Variants in RIMKLB observed in about 807,000 individuals in gnomAD.
RIMKLB encodes beta-citrylglutamate synthase B.
In RIMKLB, 7 loss-of-function variants were observed where a neutral mutation model predicts 32.0. The ratio of observed to expected loss-of-function variants is 0.22; its 90% confidence interval spans 0.12 to 0.41. RIMKLB has a LOEUF of 0.41. Ranked by LOEUF, RIMKLB falls within the 10% of genes least tolerant of loss-of-function variation. The pLI is 1.00. For missense variants in RIMKLB, 289 were observed against 498.7 expected (o/e 0.58, Z 4.00); for synonymous variants, 172 against 185.1 (o/e 0.93, Z 0.57).
chr12:8,746,618 A>G (rs895177105), intron 2 of RIMKLB, among the ~76,000 whole-genome samples: 1 of 151,056 alleles, frequency 6.6e-6, no homozygotes, highest in Non-Finnish European at 1.5e-5. Flanking sequence ...AAAAAAAAAG[A>G]AAAAGATATC....
At chr12:8,693,540 G>A (rs1942792926), upstream of RIMKLB, among the ~76,000 whole-genome samples, 1 of 151,726 alleles carries the variant, frequency 6.6e-6, no homozygotes. Context: ...GGGATTACAG[G>A]TGCCCACCAC....
At chr12:8,714,386 A>T (rs1944631511) in intron 2 of RIMKLB, among the ~76,000 whole-genome samples, 1 of 152,174 alleles carries the variant, frequency 6.6e-6, no homozygotes, top group African/African-American at 2.4e-5. Context: ...TCTTAAAAAT[A>T]AAAGTAAAGA....
chr12:8,777,613 A>AAT, downstream of RIMKLB: 1 of 1,289,088 alleles, frequency 7.8e-7, no homozygotes, highest in Non-Finnish European at 1.0e-6. Context: ...CAAAAAAACA[A>AAT]ATACAAACAA....
chr12:8,782,917 T>TTTGAAGTAACCAGTGATCTTTTTTGC (rs1951185496), exon 8 of RIMKLB: 1 of 152,212 alleles, frequency 6.6e-6, no homozygotes, highest in African/African-American at 2.4e-5. Flanking sequence ...CCTAGGTTCT[T>TTTGAAGTAACCAGTGATCTTTTTTGC]TTGAAGTAAC....
intron 2 of RIMKLB, among the ~76,000 whole-genome samples, chr12:8,737,803 C>G (rs1347660029): frequency 6.6e-6 from 1 of 152,168 alleles, no homozygotes; most frequent in East Asian, 1.9e-4. Context: ...TAAGCTCTGC[C>G]TCACAGCTTC....
chr12:8,774,453 C>T lies in RIMKLB; in HGVS notation c.*669C>T, dbSNP rs774936688. 6.8e-5 allele frequency: 67 copies of T among 985,110 alleles called. No homozygotes were observed. The highest frequency in any genetic ancestry group is 3.8e-4 in the South Asian group (8 of 21,264). The allele number at this position is 985,110 out of a possible 1,614,324, so 61.0% of individuals were successfully genotyped here. A position where few individuals can be genotyped will look rare whatever the true frequency, so the allele number is the denominator to read the frequency against. ...TGGAAATGAACAGTATTGCAATGTC[C>T]GGTATACAAAATAACATTAATTCAA... is the stretch of plus-strand genomic sequence containing the variant. On this transcript the variant is annotated 3_prime_UTR_variant, in exon 6 of 6. Transcript: ENST00000535829.
At chr12:8,731,188 T>G (rs1427360823) in intron 2 of RIMKLB, among the ~76,000 whole-genome samples, 1 of 151,956 alleles carries the variant, frequency 6.6e-6, no homozygotes, top group African/African-American at 2.4e-5. Context: ...CCTCTGACTC[T>G]TGGGTTCAAG....
At chr12:8,765,878 C>A (rs1338587241) in intron 5 of RIMKLB, among the ~76,000 whole-genome samples, 3 of 152,038 alleles carry the variant, frequency 2.0e-5, no homozygotes, top group Non-Finnish European at 2.9e-5. Flanking sequence ...GTACATATGG[C>A]ACTTCACTCC....
chr12:8,671,596 T>A, the RIMKLB span, among the ~76,000 whole-genome samples: 1 of 151,108 alleles, frequency 6.6e-6, no homozygotes. Context: ...TTTTCCAAAC[T>A]TTTATGCTCT....
chr12:8,702,300 A>G (rs1204153545), intron 1 of RIMKLB, among the ~76,000 whole-genome samples: 1 of 152,198 alleles, frequency 6.6e-6, no homozygotes, highest in East Asian at 1.9e-4. Context: ...GAAGGAGTCT[A>G]CTGGATTCTT....
chr12:8,670,049 AAAG>A, the RIMKLB span, among the ~76,000 whole-genome samples: 18 of 150,998 alleles, frequency 1.2e-4, no homozygotes, highest in East Asian at 1.6e-3. Context: ...AAAAAAAAAA[AAAG>A]AAGGAATCAA....
At chr12:8,710,474 A>G (rs1030704371) in intron 1 of RIMKLB, among the ~76,000 whole-genome samples, 2 of 150,534 alleles carry the variant, frequency 1.3e-5, no homozygotes, top group South Asian at 2.1e-4. Flanking sequence ...CACCTGGCTC[A>G]TTTTTGTATT....
intron 2 of RIMKLB, among the ~76,000 whole-genome samples, chr12:8,716,477 A>G (rs992611178): frequency 1.5e-5 from 2 of 136,050 alleles, no homozygotes; most frequent in African/African-American, 5.6e-5. Context: ...CCAGTATGCT[A>G]CAAAATTTTT....
At chr12:8,702,139 T>G (rs1943463203) in intron 1 of RIMKLB, among the ~76,000 whole-genome samples, 1 of 152,246 alleles carries the variant, frequency 6.6e-6, no homozygotes, top group Non-Finnish European at 1.5e-5. Flanking sequence ...GTTCCATAAC[T>G]TGTCAGTGTT....
In RIMKLB at chr12:8,775,151, A is replaced by G. The variant is rs899794328; in HGVS notation, c.*1367A>G. ...GCCTGTTCAGTGTACAGTTTATTCA[A>G]GGCTACATGCTTTTCTTTAATGCTT... On this transcript the variant is annotated 3_prime_UTR_variant, in exon 6 of 6. Transcript: ENST00000535829. 30 of 985,388 alleles carry G rather than the reference A, an allele frequency of 3.0e-5. No homozygotes were observed. Among genetic ancestry groups the G allele is most frequent in the Non-Finnish European group, 3.1e-5 (26 of 829,874 alleles). 61.0% of individuals were successfully genotyped at this position (985,388 alleles called of 1,614,324 possible). A position where few individuals can be genotyped will look rare whatever the true frequency, so the allele number is the denominator to read the frequency against.
At position 8,751,835 on chromosome 12, in the gene RIMKLB, G is replaced by A. The variant is rs944518273; in HGVS notation, c.407-122G>A. The A allele has an allele frequency of 1.4e-5, 9 of 643,854 alleles. No individual in the cohort carries two copies. The Admixed American group carries it at 1.8e-4, about 13-fold the overall frequency. The allele number at this position is 643,854 out of a possible 1,614,324, so 39.9% of individuals were successfully genotyped here. A position where few individuals can be genotyped will look rare whatever the true frequency, so the allele number is the denominator to read the frequency against. On this transcript the variant is annotated intron_variant, in intron 3 of 5. Transcript: ENST00000535829. ...ACACATACTTTCTCCAAGAAAAAAA[G>A]TTAGCCATCAGGCTCTTACCTTCAA...
At chr12:8,770,635 A>G (rs576666899) in intron 5 of RIMKLB, among the ~76,000 whole-genome samples, 1 of 152,308 alleles carries the variant, frequency 6.6e-6, no homozygotes, top group South Asian at 2.1e-4. Context: ...TATTCTGTTA[A>G]TACAAAAAAT....
intron 2 of RIMKLB, among the ~76,000 whole-genome samples, chr12:8,730,870 GC>G (rs1410901761): frequency 6.6e-6 from 1 of 151,866 alleles, no homozygotes; most frequent in Admixed American, 6.6e-5. Context: ...CTTGTAAGTA[GC>G]TGGGATTACA....
intron 1 of RIMKLB, among the ~76,000 whole-genome samples, chr12:8,711,749 G>A (rs1423794979): frequency 6.6e-6 from 1 of 151,670 alleles, no homozygotes; most frequent in Non-Finnish European, 1.5e-5. Context: ...GTATTCTGGC[G>A]TGACTTTTTC....
Sources: gnomAD v4.1 joint callset for allele counts (sites outside exome capture counted in the v4.1 genomes callset) on GRCh38, gnomAD v4.1.1 for gene constraint, MANE v1.5 for transcripts, NCBI Gene and HGNC (gene_info 2026-07-23, HGNC 2026-07-21) for gene names.